The following NLRP11 variants were observed in gnomAD, a reference collection of about 807,000 sequenced individuals.
The protein encoded by NLRP11 is NACHT, LRR and PYD domains-containing protein 11.
NLRP11 carries 53 observed loss-of-function variants against 79.3 expected under a neutral mutation model. That is an observed-to-expected ratio of 0.67 (90% CI 0.54 to 0.84). The LOEUF (loss-of-function observed/expected upper bound fraction) is 0.84. NLRP11 is among the 40% of genes least tolerant of loss of function. NLRP11 has a pLI of 0.00. For synonymous variants in NLRP11, 518 were observed against 462.6 expected (o/e 1.12, Z -1.54); for missense variants, 1,264 against 1,255.0 (o/e 1.01, Z -0.11).
chr19:55,828,715 G>C (rs1323746576), intron 1 of NLRP11, among the ~76,000 whole-genome samples: 1 of 152,084 alleles, frequency 6.6e-6, no homozygotes, highest in Non-Finnish European at 1.5e-5. Context: ...AAATAAGATT[G>C]GGTTGTATTT....
At chr19:55,816,644 G>C (rs551801468) in intron 2 of NLRP11, among the ~76,000 whole-genome samples, 1 of 152,178 alleles carries the variant, frequency 6.6e-6, no homozygotes, top group South Asian at 2.1e-4. Flanking sequence ...TTCTGTAGCT[G>C]GGTCTTATGG....
At chr19:55,813,770 T>C (rs749530124) in intron 2 of NLRP11, among the ~76,000 whole-genome samples, 5 of 152,066 alleles carry the variant, frequency 3.3e-5, no homozygotes, top group South Asian at 2.1e-4. Flanking sequence ...GACATTGCAA[T>C]GTCCATGGAA....
At chr19:55,821,995 A>C (rs960436821) in intron 1 of NLRP11, among the ~76,000 whole-genome samples, 8 of 152,352 alleles carry the variant, frequency 5.3e-5, no homozygotes, top group African/African-American at 1.9e-4. Flanking sequence ...ACAGTGGCTC[A>C]CGCCTGTAAT....
At chr19:55,798,752 T>TCACA (rs907468243) in intron 5 of NLRP11, among the ~76,000 whole-genome samples, 10 of 95,844 alleles carry the variant, frequency 1.0e-4, no homozygotes, top group Admixed American at 3.1e-4. Context: ...ACACACACAC[T>TCACA]CACACACACA....
At chr19:55,817,193 G>A (rs1237780325) in intron 2 of NLRP11, among the ~76,000 whole-genome samples, 1 of 152,120 alleles carries the variant, frequency 6.6e-6, no homozygotes, top group African/African-American at 2.4e-5. Flanking sequence ...ATAGATGTTG[G>A]TATGGATGTG....
intron 6 of NLRP11, among the ~76,000 whole-genome samples, chr19:55,793,785 C>T (rs966486713): frequency 7.9e-5 from 12 of 151,898 alleles, no homozygotes; most frequent in Admixed American, 2.0e-4. Context: ...GGGTTTGACA[C>T]GTGAAATGGG....
intron 1 of NLRP11, among the ~76,000 whole-genome samples, chr19:55,818,988 C>T (rs956276955): frequency 2.6e-5 from 4 of 152,122 alleles, no homozygotes; most frequent in Non-Finnish European, 2.9e-5. Flanking sequence ...GCCCGCTTTG[C>T]ATACCTCGCA....
chr19:55,790,804 A>G (rs1052989934), intron 7 of NLRP11, among the ~76,000 whole-genome samples: 1 of 152,170 alleles, frequency 6.6e-6, no homozygotes, highest in Non-Finnish European at 1.5e-5. Context: ...GGTAAAATAT[A>G]TAGAGAGTTA....
At chr19:55,818,179 C>A (rs1325714020) in exon 2 of NLRP11, 2 of 1,609,338 alleles carry the variant, frequency 1.2e-6, no homozygotes, top group Non-Finnish European at 1.7e-6. Flanking sequence ...TGCCATCTTG[C>A]TTCTCCAGGG....
rs756265637 is a variant in NLRP11 at position 55,809,941 on chromosome 19, T to C, written c.669A>G (p.Lys223=). Reference sequence around the variant, plus strand: ...CCAAGTCCTCGAGGATGAAAAGGAGTTTCTTGGGATCAGACAGGATGTCTG... The same window carrying C: ...CCAAGTCCTCGAGGATGAAAAGGAGCTTCTTGGGATCAGACAGGATGTCTG... Residue 223 remains lysine, a synonymous_variant, in exon 3 of 10, where the codon AAA becomes AAG. Coordinates refer to ENST00000589093, the Ensembl canonical transcript of NLRP11. The surrounding 1 kb of genome is among the most constrained non-coding windows in gnomAD (Gnocchi z 4.5). The C allele has an allele frequency of 6.2e-7, 1 of 1,613,910 alleles. No homozygotes were observed. Among genetic ancestry groups the C allele is most frequent in the Non-Finnish European group, 8.5e-7 (1 of 1,179,990 alleles).
intron 1 of NLRP11, among the ~76,000 whole-genome samples, chr19:55,828,530 T>A (rs1160868487): frequency 6.6e-6 from 1 of 152,204 alleles, no homozygotes; most frequent in Non-Finnish European, 1.5e-5. Flanking sequence ...CCAGGAGAGC[T>A]GCTATGTGTG....
At chr19:55,808,130 C>T (rs1365255450) in intron 3 of NLRP11, 116 bp from the exon 4 acceptor site, 4 of 635,134 alleles carry the variant, frequency 6.3e-6, no homozygotes, top group East Asian at 5.3e-5. Flanking sequence ...AGATTTAATA[C>T]CATGCAGCAA....
At chr19:55,793,316 C>T (rs1978463788) in intron 6 of NLRP11, among the ~76,000 whole-genome samples, 1 of 151,934 alleles carries the variant, frequency 6.6e-6, no homozygotes, top group Non-Finnish European at 1.5e-5. Context: ...CACCTGTAAT[C>T]CTGGCACCTT....
At chr19:55,811,970 T>TACACTCACACACAC (rs1980643752) in intron 2 of NLRP11, among the ~76,000 whole-genome samples, 1 of 149,096 alleles carries the variant, frequency 6.7e-6, no homozygotes, top group Non-Finnish European at 1.5e-5. Flanking sequence ...TTCACACATG[T>TACACTCACACACAC]ACACACACAC....
chr19:55,816,682 C>T (rs550766950), intron 2 of NLRP11, among the ~76,000 whole-genome samples: 44 of 152,258 alleles, frequency 2.9e-4, no homozygotes, highest in African/African-American at 1.0e-3. Context: ...GTTAACCCTC[C>T]ATGATCTTTA....
intron 2 of NLRP11, among the ~76,000 whole-genome samples, chr19:55,813,313 A>T (rs571449631): frequency 8.2e-4 from 125 of 152,134 alleles, no homozygotes; most frequent in African/African-American, 2.0e-3. Flanking sequence ...GGGAAAAAAA[A>T]TTTTTTAAAG....
chr19:55,808,822 CAACTT>C lies in NLRP11; in HGVS notation c.1783_1787del (p.Lys595GlufsTer18). 6 of 1,613,082 alleles carry C rather than the reference CAACTT, an allele frequency of 3.7e-6. No individual in the cohort carries two copies. Among genetic ancestry groups the C allele is most frequent in the Non-Finnish European group, 4.2e-6 (5 of 1,179,226 alleles). On this transcript the variant is annotated frameshift_variant, in exon 3 of 10. Transcript: ENST00000589093. LOFTEE classifies it high-confidence loss of function. ...TGTTTTGAAAGATGCGCTGAACACT[CAACTT>C]AAGTGTCCTCAGGTGACAGCAGTAA...
At chr19:55,822,553 CGCGCACCGT>C (rs1981860054) in intron 1 of NLRP11, among the ~76,000 whole-genome samples, 1 of 151,812 alleles carries the variant, frequency 6.6e-6, no homozygotes, top group African/African-American at 2.4e-5. Context: ...TCAGTGGATG[CGCGCACCGT>C]GCGCGAGCCG....
At chr19:55,808,630 G>A (rs746186096) in intron 3 of NLRP11, 139 bp downstream of exon 3, 27 of 766,708 alleles carry the variant, frequency 3.5e-5, no homozygotes, top group Non-Finnish European at 5.8e-5. Context: ...AGAGATTTAA[G>A]TCACTGGTCT....
Sources: gnomAD v4.1 joint callset for allele counts (sites outside exome capture counted in the v4.1 genomes callset) on GRCh38, gnomAD v4.1.1 for gene constraint, Gnocchi (gnomAD v3.1) non-coding constraint, MANE v1.5 for transcripts, NCBI Gene and HGNC (gene_info 2026-07-23, HGNC 2026-07-21) for gene names.